RPTOR: variants seen among roughly 807,000 people sequenced by gnomAD.
RPTOR encodes the protein regulatory-associated protein of mTOR.
In RPTOR, 21 loss-of-function variants were observed where a neutral mutation model predicts 169.9. That is an observed-to-expected ratio of 0.12 (90% CI 0.09 to 0.18). RPTOR has a LOEUF of 0.18. Ranked by LOEUF, RPTOR falls within the 10% of genes least tolerant of loss-of-function variation. The probability of loss-of-function intolerance (pLI) is 1.00; values close to 1 mark genes in which losing one functional copy is unlikely to be tolerated. For missense variants in RPTOR, 1,133 were observed against 1,855.9 expected, an observed-to-expected ratio of 0.61 and a Z score of 7.16; for synonymous variants, 732 against 753.2, an observed-to-expected ratio of 0.97 and a Z score of 0.46.
intron 5 of RPTOR, among the ~76,000 whole-genome samples, chr17:80,743,923 G>GCA (rs2143275939): frequency 2.8e-5 from 2 of 72,172 alleles, no homozygotes; most frequent in Admixed American, 2.2e-4. Context: ...CTGGTTACTA[G>GCA]CAGAGCCCTG....
Position 80,822,202 on chromosome 17 carries a change from A to G in RPTOR, c.892A>G (p.Ile298Val). 1.9e-6 allele frequency: 3 copies of G among 1,614,100 alleles called. No individual in the cohort carries two copies. Among genetic ancestry groups the G allele is most frequent in the Non-Finnish European group, 2.5e-6 (3 of 1,179,972 alleles). ...PGVTLDLIEK[I>V]PGRLNDRRTP... ...ATGAGAACGCCCCTTGTTTTCTAGG[A>G]TCCCTGGCCGCCTGAACGACAGGAG... is the stretch of plus-strand genomic sequence containing the variant. Residue 298 changes from isoleucine (I) to valine (V), a missense_variant and splice_region_variant, in exon 8 of 34, where the codon ATC (isoleucine) becomes GTC (valine). Around this residue, in one of 9 missense-constraint regions of RPTOR, gnomAD observed 289 missense variants for 585.8 expected, o/e 0.49. Coordinates refer to ENST00000306801, the MANE Select transcript of RPTOR (RefSeq NM_020761.3).
At chr17:80,952,916 G>A (rs559835786) in intron 28 of RPTOR, among the ~76,000 whole-genome samples, 11 of 142,280 alleles carry the variant, frequency 7.7e-5, no homozygotes, top group East Asian at 4.1e-4. Flanking sequence ...CCAGGCTGGA[G>A]TGCAGTGGCG....
chr17:80,779,193 G>A (rs1349398801), intron 6 of RPTOR, among the ~76,000 whole-genome samples: 3 of 152,230 alleles, frequency 2.0e-5, no homozygotes, highest in African/African-American at 4.8e-5. Flanking sequence ...GAGCTCATGT[G>A]TGCGCCCGTA....
chr17:80,814,229 GA>G (rs912793187), intron 7 of RPTOR, among the ~76,000 whole-genome samples: 14 of 152,144 alleles, frequency 9.2e-5, no homozygotes, highest in African/African-American at 3.4e-4. Flanking sequence ...AAAAAGGGGG[GA>G]AAAGTTTTGT....
chr17:80,813,422 T>C (rs775891677), intron 7 of RPTOR, among the ~76,000 whole-genome samples: 12 of 152,236 alleles, frequency 7.9e-5, no homozygotes, highest in Non-Finnish European at 1.3e-4. Flanking sequence ...ATTTTTACAA[T>C]GACCGACATG....
chr17:80,855,774 GTCGCCCC>G (rs2067845457), intron 12 of RPTOR, among the ~76,000 whole-genome samples: 1 of 152,170 alleles, frequency 6.6e-6, no homozygotes, highest in Non-Finnish European at 1.5e-5. Context: ...GTCTGGGGTT[GTCGCCCC>G]TCTTTATGTC....
rs561564323 is a variant in RPTOR, at chr17:80,713,854, A to G, written c.507+5855A>G. Among the ~76,000 whole-genome samples the G allele has an allele frequency of 2.0e-5, 3 of 152,340 alleles. No individual in the cohort carries two copies. In the South Asian group the frequency reaches 6.2e-4, roughly 32 times the overall value. On this transcript the variant is annotated intron_variant, in intron 4 of 33. Transcript: ENST00000306801. ...ATTAACAGGAAAAGTATGCAAATCC[A>G]TAATCATAGTTGGAGGTTAGAAGAT...
At chr17:80,869,278 G>A (rs1009846007) in intron 13 of RPTOR, among the ~76,000 whole-genome samples, 3 of 152,058 alleles carry the variant, frequency 2.0e-5, no homozygotes, top group Non-Finnish European at 4.4e-5. Context: ...TCCTGCCTCC[G>A]CCTCCCGAGT....
chr17:80,659,083 G>T lies in RPTOR; in HGVS notation c.348+15273G>T, dbSNP rs1055408964. The stretch of plus-strand genomic sequence containing the variant: ...GTGCCGAGAGCCACAGGGCTCACCC[G>T]TGGAGGGAATCTGAGTCCCGATTGT... On this transcript the variant is annotated intron_variant, in intron 3 of 33. Transcript: ENST00000306801. This position sits in a 1 kb window ranked among gnomAD's most constrained non-coding sequence, Gnocchi z 4.3. Among the ~76,000 whole-genome samples, 1 of 152,220 alleles carries T rather than the reference G, an allele frequency of 6.6e-6. No homozygotes were observed. Among genetic ancestry groups the T allele is most frequent in the Non-Finnish European group, 1.5e-5 (1 of 68,046 alleles).
At chr17:80,649,243 C>G (rs1417188187) in intron 3 of RPTOR, among the ~76,000 whole-genome samples, 1 of 152,236 alleles carries the variant, frequency 6.6e-6, no homozygotes, top group Non-Finnish European at 1.5e-5. Context: ...TGGACCGTTA[C>G]TCGCTGTGAC....
In RPTOR at chr17:80,633,257, A is replaced by T. The variant is rs1299022393; in HGVS notation, c.265+7464A>T. Reference sequence around the variant, plus strand: ...AGCCGGGAGTTTCTCTTTCCAGATGACAACGCAGTCACCAAAATCAAGGAG... The same window carrying T: ...AGCCGGGAGTTTCTCTTTCCAGATGTCAACGCAGTCACCAAAATCAAGGAG... On this transcript the variant is annotated intron_variant, in intron 2 of 33. Transcript: ENST00000306801. The surrounding 1 kb of genome is among the most constrained non-coding windows in gnomAD (Gnocchi z 4.1). Among the ~76,000 whole-genome samples the T allele has an allele frequency of 1.3e-5, 2 of 152,232 alleles. No individual in the cohort carries two copies. The highest frequency in any genetic ancestry group is 2.9e-5 in the Non-Finnish European group (2 of 68,040).
chr17:80,619,075 C>G (rs1399691326), intron 1 of RPTOR, among the ~76,000 whole-genome samples: 1 of 152,086 alleles, frequency 6.6e-6, no homozygotes, highest in Non-Finnish European at 1.5e-5. Context: ...GGCTTTGCTC[C>G]GAGTTTCTGC....
chr17:80,602,592 G>GT, intron 1 of RPTOR: 1 of 617,072 alleles, frequency 1.6e-6, no homozygotes. Context: ...TTTGAACATG[G>GT]TAACAGGTAC....
intron 25 of RPTOR, 59 bp downstream of exon 25, chr17:80,940,660 G>A (rs1373853681): frequency 1.4e-6 from 2 of 1,429,466 alleles, no homozygotes; most frequent in African/African-American, 1.4e-5. Context: ...CTGGGGCGAG[G>A]GTCCCCTGTG....
At chr17:80,941,541 C>T (rs920707731) in intron 25 of RPTOR, among the ~76,000 whole-genome samples, 5 of 152,252 alleles carry the variant, frequency 3.3e-5, no homozygotes, top group African/African-American at 7.2e-5. Flanking sequence ...CCTGCCCTCG[C>T]GGCCACAGGC....
At chr17:80,799,141 T>G (rs1478668053) in intron 7 of RPTOR, among the ~76,000 whole-genome samples, 2 of 152,226 alleles carry the variant, frequency 1.3e-5, no homozygotes, top group East Asian at 1.9e-4. Flanking sequence ...TGAACTGATC[T>G]TGGATCCAGG....
intron 25 of RPTOR, among the ~76,000 whole-genome samples, chr17:80,942,537 C>A (rs552319879): frequency 1.3e-5 from 2 of 152,174 alleles, no homozygotes; most frequent in South Asian, 4.1e-4. Flanking sequence ...AGGCGTGGTG[C>A]CAGCAGGCGT....
At chr17:80,904,649 G>A (rs74699772) in intron 20 of RPTOR, among the ~76,000 whole-genome samples, 30 of 152,192 alleles carry the variant, frequency 2.0e-4, no homozygotes, top group Non-Finnish European at 2.6e-4. Flanking sequence ...CAACATCCCC[G>A]GTCCCTGACT....
intron 10 of RPTOR, among the ~76,000 whole-genome samples, chr17:80,839,158 CGT>C (rs1418915259): frequency 1.3e-5 from 2 of 152,194 alleles, no homozygotes; most frequent in Non-Finnish European, 2.9e-5. Context: ...CGTGTGTACG[CGT>C]GAGTGGGTGT....
Sources: gnomAD v4.1 joint callset for allele counts (sites outside exome capture counted in the v4.1 genomes callset) on GRCh38, gnomAD v4.1.1 for gene constraint, gnomAD v4.1.1 regional missense constraint, Gnocchi (gnomAD v3.1) non-coding constraint, MANE v1.5 for transcripts, NCBI Gene and HGNC (gene_info 2026-07-23, HGNC 2026-07-21) for gene names.